Variants in UNC13C observed in about 807,000 individuals in gnomAD.
UNC13C encodes the protein protein unc-13 homolog C.
Under a neutral mutation model 245.4 loss-of-function variants are expected in UNC13C, and 174 were observed. The ratio of observed to expected loss-of-function variants is 0.71; its 90% CI spans 0.63 to 0.80. The LOEUF (loss-of-function observed/expected upper bound fraction) is 0.80, where lower values mean the gene tolerates loss of function less well. Ranked by LOEUF, UNC13C falls within the 30% of genes least tolerant of loss-of-function variation. UNC13C has a pLI of 0.00. For missense variants in UNC13C, 2,829 were observed against 2,602.9 expected, an observed-to-expected ratio of 1.09 and a Z score of -1.89; for synonymous variants, 992 against 895.1, an observed-to-expected ratio of 1.11 and a Z score of -1.93.
intron 18 of UNC13C, among the ~76,000 whole-genome samples, chr15:54,406,550 A>G (rs1209028444): frequency 6.6e-6 from 1 of 152,082 alleles, no homozygotes; most frequent in Non-Finnish European, 1.5e-5. Context: ...AATGTTTTAT[A>G]ATGCTAGACA....
chr15:54,553,327 A>G (rs185164721), intron 28 of UNC13C, among the ~76,000 whole-genome samples: 1,497 of 118,852 alleles, frequency 0.013, 38 homozygotes, highest in African/African-American at 0.043. Flanking sequence ...TATTATATAT[A>G]ATATATAATT....
chr15:54,585,009 G>C (rs181332574), intron 30 of UNC13C, among the ~76,000 whole-genome samples: 1 of 152,208 alleles, frequency 6.6e-6, no homozygotes, highest in South Asian at 2.1e-4. Flanking sequence ...CTATACTTTT[G>C]ATTCCCCATC....
At chr15:54,384,241 C>G (rs1231980269) in intron 17 of UNC13C, among the ~76,000 whole-genome samples, 4 of 152,072 alleles carry the variant, frequency 2.6e-5, no homozygotes, top group African/African-American at 9.7e-5. Flanking sequence ...AGGCATCATG[C>G]TATCTGACTT....
chr15:54,266,000 C>T (rs1203147785), intron 10 of UNC13C, among the ~76,000 whole-genome samples: 2 of 151,976 alleles, frequency 1.3e-5, no homozygotes, highest in African/African-American at 4.8e-5. Flanking sequence ...AAACCTCTTA[C>T]ATCTTTTACT....
chr15:54,414,572 G>A (rs553838559), intron 18 of UNC13C, among the ~76,000 whole-genome samples: 2 of 152,148 alleles, frequency 1.3e-5, no homozygotes, highest in East Asian at 1.9e-4. Flanking sequence ...GCTTGAACCC[G>A]GGAGGCAGAG....
chr15:54,304,781 C>T (rs940844691), intron 13 of UNC13C, among the ~76,000 whole-genome samples: 4 of 151,552 alleles, frequency 2.6e-5, no homozygotes, highest in African/African-American at 9.7e-5. Context: ...CATTACTTTG[C>T]CAGAAGAAAA....
intron 4 of UNC13C, among the ~76,000 whole-genome samples, chr15:54,151,444 T>G (rs1024922218): frequency 7.2e-5 from 11 of 152,146 alleles, no homozygotes; most frequent in African/African-American, 2.7e-4. Flanking sequence ...TCACTCTCAC[T>G]GAAGCAGGAG....
At chr15:53,983,082 A>G (rs1201875650) in intron 1 of UNC13C, among the ~76,000 whole-genome samples, 1 of 152,128 alleles carries the variant, frequency 6.6e-6, no homozygotes, top group African/African-American at 2.4e-5. Context: ...GGAACTGCAC[A>G]TTTTGTATAA....
At position 54,627,728 on chromosome 15, in the gene UNC13C, G is replaced by A. The variant is rs1690978664; in HGVS notation, c.*615G>A. On this transcript the variant is annotated 3_prime_UTR_variant, in exon 33 of 33. Transcript: ENST00000260323. ...AGCAAACTTACATAAAGCAATGCTA[G>A]AGTTTGTTAACAATGTTTGATATAT... 1 of 148,420 alleles carries A rather than the reference G, an allele frequency of 6.7e-6. No homozygotes were observed. Among genetic ancestry groups the A allele is most frequent in the Non-Finnish European group, 1.5e-5 (1 of 65,332 alleles). 9.2% of individuals were successfully genotyped at this position (148,420 alleles called of 1,614,324 possible). A position where few individuals can be genotyped will look rare whatever the true frequency, so the allele number is the denominator to read the frequency against.
intron 20 of UNC13C, among the ~76,000 whole-genome samples, chr15:54,499,117 C>T (rs1289656064): frequency 6.6e-6 from 1 of 152,048 alleles, no homozygotes; most frequent in African/African-American, 2.4e-5. Flanking sequence ...AGCATAGTGG[C>T]TTCTGCTTCT....
intron 18 of UNC13C, among the ~76,000 whole-genome samples, chr15:54,409,862 G>A (rs1201539372): frequency 1.3e-5 from 2 of 152,100 alleles, no homozygotes; most frequent in Non-Finnish European, 2.9e-5. Flanking sequence ...TGTCTTTTTG[G>A]TAGAGAGATT....
chr15:54,138,978 T>TTTC (rs1555422093), intron 2 of UNC13C, among the ~76,000 whole-genome samples: 2 of 141,156 alleles, frequency 1.4e-5, no homozygotes, highest in African/African-American at 5.5e-5. Context: ...TTTTTTTTTT[T>TTTC]GAGACGGAGT....
At chr15:54,588,204 G>A (rs1221926494) in intron 30 of UNC13C, among the ~76,000 whole-genome samples, 1 of 152,130 alleles carries the variant, frequency 6.6e-6, no homozygotes, top group East Asian at 1.9e-4. Context: ...TAGCAATGGG[G>A]CACAACCCAT....
At chr15:53,850,811 A>G in the UNC13C span, among the ~76,000 whole-genome samples, 1 of 150,730 alleles carries the variant, frequency 6.6e-6, no homozygotes, top group East Asian at 1.9e-4. Context: ...TTCGTTAGGC[A>G]TGCATTAAAT....
At chr15:54,570,903 G>A (rs1290019106) in intron 30 of UNC13C, among the ~76,000 whole-genome samples, 2 of 152,138 alleles carry the variant, frequency 1.3e-5, no homozygotes, top group African/African-American at 4.8e-5. Flanking sequence ...AAGTGACAGA[G>A]AAATATAGAA....
In UNC13C at chr15:54,321,972, C is replaced by T. The variant is rs769105524; in HGVS notation, c.4302C>T (p.Cys1434=). ...HFSCLSSKYM[C]PGVPAVMSTL... ...CATGTCTGTCTTCTAAATACATGTG[C>T]CCCGGTGTCCCTGCCGTCATGAGCA... The change falls in exon 14 of 33, where the codon TGC becomes TGT. Residue 1434 remains cysteine, a synonymous_variant. Coordinates refer to ENST00000260323, the MANE Select transcript of UNC13C (RefSeq NM_001080534.3). 16 of 1,583,802 alleles carry T rather than the reference C, an allele frequency of 1.0e-5. No individual in the cohort carries two copies. The highest frequency in any genetic ancestry group is 5.4e-5 in the Admixed American group (3 of 55,504).
intron 30 of UNC13C, among the ~76,000 whole-genome samples, chr15:54,618,972 A>G (rs981191296): frequency 6.6e-6 from 1 of 152,188 alleles, no homozygotes; most frequent in African/African-American, 2.4e-5. Flanking sequence ...TTTAAAATAC[A>G]GTAAAAATAT....
chr15:54,568,435 T>G (rs772974563), intron 30 of UNC13C, among the ~76,000 whole-genome samples: 4 of 152,192 alleles, frequency 2.6e-5, no homozygotes, highest in Non-Finnish European at 5.9e-5. Flanking sequence ...AAGATTTCTT[T>G]GAAACAGGCC....
chr15:54,077,504 G>A lies in UNC13C; in HGVS notation c.2983+61618G>A, dbSNP rs145382597. Among the ~76,000 whole-genome samples the A allele has an allele frequency of 3.4e-3, 497 of 147,196 alleles. 6 individuals carry two copies. The highest frequency in any genetic ancestry group is 0.011 in the African/African-American group (449 of 40,008). Reference sequence around the variant, plus strand: ...AGGGATTCTCCTGCCTCAGCCTCCCGAGTAGCTGGGACTACAGGCATGCAC... The same window carrying A: ...AGGGATTCTCCTGCCTCAGCCTCCCAAGTAGCTGGGACTACAGGCATGCAC... On this transcript the variant is annotated intron_variant, in intron 2 of 32. Coordinates refer to ENST00000260323, the MANE Select transcript of UNC13C (RefSeq NM_001080534.3).
Sources: gnomAD v4.1 joint callset for allele counts (sites outside exome capture counted in the v4.1 genomes callset) on GRCh38, gnomAD v4.1.1 for gene constraint, MANE v1.5 for transcripts, NCBI Gene and HGNC (gene_info 2026-07-23, HGNC 2026-07-21) for gene names.